TM9SF4: variants seen among roughly 807,000 people sequenced by gnomAD.
TM9SF4 encodes transmembrane 9 superfamily member 4.
In TM9SF4, 26 loss-of-function variants were observed where a neutral mutation model predicts 90.4. The ratio of observed to expected loss-of-function variants is 0.29; its 90% CI spans 0.21 to 0.40. The LOEUF (loss-of-function observed/expected upper bound fraction) is 0.40. Among genes scored for constraint, TM9SF4 ranks in the 10% least tolerant of loss-of-function variants. TM9SF4 has a pLI of 1.00. For synonymous variants in TM9SF4, 293 were observed against 315.4 expected, an observed-to-expected ratio of 0.93 and a Z score of 0.75; for missense variants, 549 against 834.8, an observed-to-expected ratio of 0.66 and a Z score of 4.22.
chr20:32,140,851 C>T (rs1250317749), intron 3 of TM9SF4, among the ~76,000 whole-genome samples: 1 of 116,492 alleles, frequency 8.6e-6, no homozygotes, highest in Admixed American at 9.0e-5. Context: ...GGAAACTGGG[C>T]TTCTGGGGAG....
intron 2 of TM9SF4, 38 bp downstream of exon 2, chr20:32,133,164 G>C (rs1050685364): frequency 6.9e-6 from 11 of 1,595,432 alleles, no homozygotes; most frequent in Non-Finnish European, 9.4e-6. Context: ...CTCTGTGCTA[G>C]GCAGTGTGTC....
At position 32,157,958 on chromosome 20, in the gene TM9SF4, C is replaced by A; in HGVS notation, c.1494C>A (p.Asn498Lys). 6.2e-7 allele frequency: 1 copy of A among 1,614,096 alleles called. No homozygotes were observed. Among genetic ancestry groups the A allele is most frequent in the Non-Finnish European group, 8.5e-7 (1 of 1,180,006 alleles). ...RQIPEQRWYM[N>K]RFVGILMAGI... ...TCCCCGAGCAGCGGTGGTACATGAA[C>A]CGATTTGTGGGGTGAGTCCTCCAGC... The change falls in exon 14 of 18, where the codon AAC (asparagine) becomes AAA (lysine). Residue 498 changes from asparagine to lysine, a missense_variant. By Grantham distance (94) the Asn-to-Lys change is moderately conservative. Coordinates refer to ENST00000398022, the MANE Select transcript of TM9SF4 (RefSeq NM_014742.4).
At chr20:32,117,298 ATGC>A (rs2046241418) in intron 1 of TM9SF4, among the ~76,000 whole-genome samples, 2 of 151,964 alleles carry the variant, frequency 1.3e-5, no homozygotes. Context: ...GCTAAGGAAA[ATGC>A]TGCTTTTGCA....
At chr20:32,142,885 G>T in intron 5 of TM9SF4, 97 bp from the exon 6 acceptor site, 1 of 1,507,492 alleles carries the variant, frequency 6.6e-7, no homozygotes, top group Non-Finnish European at 9.0e-7. Context: ...TAGGAAGGTT[G>T]GTACAACCAG....
intron 1 of TM9SF4, among the ~76,000 whole-genome samples, chr20:32,124,064 A>G (rs536116311): frequency 5.9e-4 from 89 of 151,710 alleles, no homozygotes; most frequent in African/African-American, 2.1e-3. Context: ...AGGTCTCACT[A>G]TTTTGTCCAG....
intron 1 of TM9SF4, among the ~76,000 whole-genome samples, chr20:32,111,978 A>G (rs1407050089): frequency 6.6e-6 from 1 of 152,200 alleles, no homozygotes; most frequent in Non-Finnish European, 1.5e-5. Flanking sequence ...TGTGGATTGC[A>G]TTTTGAAATA....
chr20:32,128,528 A>G (rs1338078318), intron 1 of TM9SF4, among the ~76,000 whole-genome samples: 1 of 152,094 alleles, frequency 6.6e-6, no homozygotes, highest in African/African-American at 2.4e-5. Flanking sequence ...TTTTAATGTA[A>G]CCATCCCCCG....
At position 32,120,395 on chromosome 20, in the gene TM9SF4, G is replaced by GTTT. The variant is rs34639926; in HGVS notation, c.15+10656_15+10658dup. Reference sequence around the variant, plus strand: ...TATTCTTTTTGATACTAAGTGGTGCGTTTTTTTTTTTTTTTTTTAGTTTTA... The same window carrying GTTT: ...TATTCTTTTTGATACTAAGTGGTGCGTTTTTTTTTTTTTTTTTTTTTAGTTTTA... On this transcript the variant is annotated intron_variant, in intron 1 of 17. Coordinates refer to ENST00000398022, the MANE Select transcript of TM9SF4 (RefSeq NM_014742.4). Among the ~76,000 whole-genome samples, 321 of 116,182 alleles carry GTTT rather than the reference G, an allele frequency of 2.8e-3. 4 individuals carry two copies. Among genetic ancestry groups the GTTT allele is most frequent in the African/African-American group, 9.3e-3 (274 of 29,464 alleles). 76.2% of individuals were successfully genotyped at this position (116,182 alleles called of 152,430 possible). A position where few individuals can be genotyped will look rare whatever the true frequency, so the allele number is the denominator to read the frequency against.
chr20:32,120,669 A>G (rs1338873665), intron 1 of TM9SF4, among the ~76,000 whole-genome samples: 1 of 152,174 alleles, frequency 6.6e-6, no homozygotes, highest in East Asian at 1.9e-4. Flanking sequence ...GCAGTGACTT[A>G]TAGTATAGTG....
chr20:32,153,368 G>A (rs2046870442), intron 12 of TM9SF4, among the ~76,000 whole-genome samples: 1 of 152,222 alleles, frequency 6.6e-6, no homozygotes, highest in Non-Finnish European at 1.5e-5. Flanking sequence ...TGAGCATCAG[G>A]TTCCGGAGGG....
intron 1 of TM9SF4, among the ~76,000 whole-genome samples, chr20:32,113,650 A>T (rs1039592716): frequency 3.3e-5 from 5 of 152,166 alleles, no homozygotes; most frequent in African/African-American, 1.2e-4. Context: ...TTTTTATTAT[A>T]ATCTTCTTTA....
Position 32,150,492 on chromosome 20 carries a change from G to A in TM9SF4, c.1088-130G>A, listed in dbSNP as rs1046070329. ...TATGCTGTTGAGAAGACAAGGGAGG[G>A]GGAGCCTCATCTGCCCAGAGTCCTC... On this transcript the variant is annotated intron_variant, in intron 10 of 17. Transcript: ENST00000398022. 7 of 995,694 alleles carry A rather than the reference G, an allele frequency of 7.0e-6. No individual in the cohort carries two copies. The African/African-American group carries it at 1.1e-4, about 16-fold the overall frequency. The allele number at this position is 995,694 out of a possible 1,614,324, so 61.7% of individuals were successfully genotyped here. A position where few individuals can be genotyped will look rare whatever the true frequency, so the allele number is the denominator to read the frequency against.
rs774707775 is a variant in TM9SF4, at chr20:32,157,882, G to A, written c.1418G>A (p.Arg473Gln). The change falls in exon 14 of 18, where the codon CGA becomes CAA. Residue 473 changes from arginine (R) to glutamine (Q), a missense_variant. Physicochemically the swap from Arg to Gln is conservative, Grantham distance 43. Transcript: ENST00000398022. ...TACTTGGGCTACTACTTCGGCTTCC[G>A]AAAGCAGCCATATGACAACCCTGTG... ...LVYLGYYFGFRKQPYDNPVRT... is the reference protein window; with the variant it reads ...LVYLGYYFGFQKQPYDNPVRT... The A allele has an allele frequency of 2.8e-5, 45 of 1,613,974 alleles. No individual in the cohort carries two copies. Among genetic ancestry groups the A allele is most frequent in the Non-Finnish European group, 3.6e-5 (42 of 1,180,018 alleles).
chr20:32,157,719 G>GGTCC, intron 13 of TM9SF4, 75 bp from the exon 14 acceptor site: 1 of 1,554,966 alleles, frequency 6.4e-7, no homozygotes, highest in South Asian at 1.2e-5. Flanking sequence ...GAGCCCAGAA[G>GGTCC]GTCCCCTCCC....
At chr20:32,149,585 A>G in intron 9 of TM9SF4, 49 bp from the exon 10 acceptor site, 1 of 1,613,900 alleles carries the variant, frequency 6.2e-7, no homozygotes, top group South Asian at 1.1e-5. Context: ...TCCCTGCAAG[A>G]GCTGCCTCCA....
intron 9 of TM9SF4, among the ~76,000 whole-genome samples, chr20:32,148,961 C>T (rs529073410): frequency 2.6e-5 from 4 of 152,294 alleles, no homozygotes; most frequent in Admixed American, 1.3e-4. Flanking sequence ...TGAGCCACCG[C>T]GCCCAGCCAG....
At chr20:32,158,783 C>A (rs998353432) in intron 15 of TM9SF4, among the ~76,000 whole-genome samples, 32 of 152,030 alleles carry the variant, frequency 2.1e-4, no homozygotes, top group Non-Finnish European at 4.3e-4. Flanking sequence ...GAGTTCGAGA[C>A]CAGCCTGTCC....
intron 1 of TM9SF4, among the ~76,000 whole-genome samples, chr20:32,115,551 C>A (rs2046205811): frequency 6.6e-6 from 1 of 152,158 alleles, no homozygotes; most frequent in Admixed American, 6.5e-5. Flanking sequence ...CTTTTCATTG[C>A]TTCCTTCTCT....
intron 3 of TM9SF4, among the ~76,000 whole-genome samples, chr20:32,140,874 G>A (rs2046664303): frequency 6.6e-6 from 1 of 152,098 alleles, no homozygotes; most frequent in South Asian, 2.1e-4. Context: ...CAGGAGCATG[G>A]GGCAGGGAAC....
Sources: gnomAD v4.1 joint callset for allele counts (sites outside exome capture counted in the v4.1 genomes callset) on GRCh38, gnomAD v4.1.1 for gene constraint, MANE v1.5 for transcripts, NCBI Gene and HGNC (gene_info 2026-07-23, HGNC 2026-07-21) for gene names.